Variants in BBX observed in about 807,000 individuals in gnomAD.
The protein encoded by BBX is BBX high mobility group box domain containing.
BBX carries 30 observed loss-of-function variants against 100.2 expected under a neutral mutation model. The observed-to-expected ratio is 0.30, with a 90% CI of 0.22 to 0.41. BBX has a LOEUF of 0.41. Ranked by LOEUF, BBX falls within the 10% of genes least tolerant of loss-of-function variation. The pLI is 1.00. For missense variants in BBX, 1,023 were observed against 1,129.8 expected (o/e 0.91, Z 1.35); for synonymous variants, 376 against 388.1 (o/e 0.97, Z 0.37).
chr3:107,537,016 A>T (rs1453573091), intron 2 of BBX, among the ~76,000 whole-genome samples: 2 of 152,200 alleles, frequency 1.3e-5, no homozygotes, highest in Admixed American at 1.3e-4. Context: ...TTGCCCGTTA[A>T]GTCTGTAGAA....
At chr3:107,761,397 ATCT>A (rs1335818383) in intron 10 of BBX, among the ~76,000 whole-genome samples, 1 of 152,142 alleles carries the variant, frequency 6.6e-6, no homozygotes, top group Non-Finnish European at 1.5e-5. Context: ...ACTTAGAGAG[ATCT>A]TCTTGGCAGC....
intron 2 of BBX, among the ~76,000 whole-genome samples, chr3:107,538,876 C>T (rs2107348292): frequency 6.6e-6 from 1 of 152,108 alleles, no homozygotes; most frequent in East Asian, 1.9e-4. Flanking sequence ...CCTCAAACTC[C>T]TGAGCTCAAG....
At chr3:107,689,600 T>G (rs1043746954) in intron 3 of BBX, among the ~76,000 whole-genome samples, 2 of 152,170 alleles carry the variant, frequency 1.3e-5, no homozygotes, top group Non-Finnish European at 2.9e-5. Flanking sequence ...AAAAGTACAT[T>G]GCGTCACAGA....
At position 107,773,123 on chromosome 3, in the gene BBX, A is replaced by G. The variant is rs776736090; in HGVS notation, c.1402A>G (p.Thr468Ala). Residue 468 changes from threonine (T) to alanine (A), a missense_variant, in exon 11 of 18, where the codon ACA becomes GCA. By Grantham distance (58) the Thr-to-Ala change is moderately conservative (BLOSUM62 0). This residue lies in a region of BBX where 348 missense variants were observed against 353.2 expected (regional missense o/e 0.99). Coordinates refer to ENST00000325805, the MANE Select transcript of BBX (RefSeq NM_001142568.3). The surrounding 1 kb of genome is among the most constrained non-coding windows in gnomAD (Gnocchi z 4.1). ...GGATCGACATGGAAATGATAAATCC[A>G]CACCCAAGAAGACTTGCAAAAAGAG... ...KMDRHGNDKS[T>A]PKKTCKKRQS... 6 of 1,614,072 alleles carry G rather than the reference A, an allele frequency of 3.7e-6. No individual in the cohort carries two copies. The Admixed American group carries it at 5.0e-5, about 13-fold the overall frequency.
chr3:107,621,627 G>A (rs545457624), intron 2 of BBX, among the ~76,000 whole-genome samples: 8 of 152,340 alleles, frequency 5.3e-5, no homozygotes, highest in African/African-American at 1.7e-4. Context: ...CGTTCAGCTT[G>A]AAGACCTGAG....
intron 2 of BBX, among the ~76,000 whole-genome samples, chr3:107,615,832 T>C (rs951345311): frequency 3.9e-5 from 6 of 151,932 alleles, no homozygotes; most frequent in Non-Finnish European, 8.8e-5. Context: ...AAATACAAAT[T>C]TGGCAATCAT....
Position 107,805,909 on chromosome 3 carries a change from T to G in BBX, c.*452T>G, listed in dbSNP as rs979241345. 1.2e-5 allele frequency: 2 copies of G among 160,312 alleles called. No homozygotes were observed. The highest frequency in any genetic ancestry group is 4.8e-5 in the African/African-American group (2 of 41,720). The allele number at this position is 160,312 out of a possible 1,614,324, so 9.9% of individuals were successfully genotyped here. A position where few individuals can be genotyped will look rare whatever the true frequency, so the allele number is the denominator to read the frequency against. ...TTATTATTAGATATTCTTAGTCTTT[T>G]TTGTACATGGAGATTTAAGTTTAAG... is the stretch of plus-strand genomic sequence containing the variant. On this transcript the variant is annotated 3_prime_UTR_variant, in exon 18 of 18. Coordinates refer to ENST00000325805, the MANE Select transcript of BBX (RefSeq NM_001142568.3).
At chr3:107,647,922 T>A (rs2057618915) in intron 3 of BBX, among the ~76,000 whole-genome samples, 1 of 152,160 alleles carries the variant, frequency 6.6e-6, no homozygotes, top group Non-Finnish European at 1.5e-5. Context: ...GAACTATGAC[T>A]CTTAACAAGG....
chr3:107,595,466 C>T lies in BBX; in HGVS notation c.-83-50370C>T, dbSNP rs372379262. 1.7e-4 allele frequency among the ~76,000 whole-genome samples: 26 copies of T among 152,268 alleles called. 1 individual carries two copies. In the South Asian group the frequency reaches 4.8e-3, roughly 28 times the overall value. On this transcript the variant is annotated intron_variant, in intron 2 of 17. Transcript: ENST00000325805. The stretch of plus-strand genomic sequence containing the variant: ...GGTTTCAGACAGGGTGAACCAAGAA[C>T]TTGGAAACTGAAGCTTCGGACTATC...
intron 2 of BBX, among the ~76,000 whole-genome samples, chr3:107,564,784 A>G (rs1161594224): frequency 6.7e-6 from 1 of 149,610 alleles, no homozygotes; most frequent in African/African-American, 2.6e-5. Context: ...GCTATCAGAT[A>G]GAGCAAATTC....
chr3:107,577,601 G>T (rs956584802), intron 2 of BBX, among the ~76,000 whole-genome samples: 1 of 152,148 alleles, frequency 6.6e-6, no homozygotes, highest in African/African-American at 2.4e-5. Context: ...ATAGAATTAT[G>T]AATAGTGAGG....
Position 107,798,555 on chromosome 3 carries a change from C to T in BBX, c.2386C>T (p.Pro796Ser), listed in dbSNP as rs1418545690. 6.8e-6 allele frequency: 11 copies of T among 1,613,994 alleles called. No individual in the cohort carries two copies. Among genetic ancestry groups the T allele is most frequent in the Non-Finnish European group, 9.3e-6 (11 of 1,179,922 alleles). Reference protein sequence around the residue: ...IFSEDRNTMEPVHKVKNIPSI... With the variant: ...IFSEDRNTMESVHKVKNIPSI... ...TTCAGAAGACAGAAACACCATGGAG[C>T]CTGTTCATAAGGTTAAAAATATCCC... The change falls in exon 16 of 18, where the codon CCT becomes TCT. Residue 796 changes from proline (P) to serine (S), a missense_variant. Pro to Ser is a moderately conservative substitution (Grantham distance 74). Around this residue, in one of 9 missense-constraint regions of BBX, gnomAD observed 215 missense variants for 211.3 expected, o/e 1.02. Coordinates refer to ENST00000325805, the MANE Select transcript of BBX (RefSeq NM_001142568.3).
chr3:107,586,387 T>A (rs1020999450), intron 2 of BBX, among the ~76,000 whole-genome samples: 2 of 152,224 alleles, frequency 1.3e-5, no homozygotes, highest in African/African-American at 4.8e-5. Context: ...TTTTTTTAGA[T>A]CTGGATTTCT....
In BBX at chr3:107,806,855, C is replaced by T. The variant is rs1213244057; in HGVS notation, c.*1398C>T. The T allele has an allele frequency of 6.6e-6, 1 of 152,224 alleles. No individual in the cohort carries two copies. The highest frequency in any genetic ancestry group is 6.5e-5 in the Admixed American group (1 of 15,276). 9.4% of individuals were successfully genotyped at this position (152,224 alleles called of 1,614,324 possible). On this transcript the variant is annotated 3_prime_UTR_variant, in exon 18 of 18. Transcript: ENST00000325805. ...AAAGTATTTCCCCACTCTTGCGTCA[C>T]AGCACAAACTACCAAATTTTAATTA...
intron 7 of BBX, among the ~76,000 whole-genome samples, chr3:107,741,275 C>G (rs1247751647): frequency 6.6e-6 from 1 of 151,918 alleles, no homozygotes; most frequent in Non-Finnish European, 1.5e-5. Flanking sequence ...TATCAGGAGG[C>G]CAGTTCACTT....
chr3:107,576,941 A>G (rs552698373), intron 2 of BBX, among the ~76,000 whole-genome samples: 2 of 152,118 alleles, frequency 1.3e-5, no homozygotes, highest in East Asian at 3.9e-4. Context: ...GCTCACTGCA[A>G]CCTCTGCCTC....
Position 107,689,255 on chromosome 3 carries a change from CA to C in BBX, c.-9-21196del, listed in dbSNP as rs2060015024. ...TACTTAAAAATATTTACAATAAACA[CA>C]GGAAGTTGTATGCTACTCTGAGATT... On this transcript the variant is annotated intron_variant, in intron 3 of 17. Transcript: ENST00000325805. 3.3e-5 allele frequency among the ~76,000 whole-genome samples: 5 copies of C among 152,248 alleles called. No homozygotes were observed. In the South Asian group the frequency reaches 1.0e-3, roughly 32 times the overall value.
In BBX at chr3:107,639,467, A is replaced by C. The variant is rs2177408; in HGVS notation, c.-83-6369A>C. Among the ~76,000 whole-genome samples the C allele has an allele frequency of 9.6e-4, 146 of 152,318 alleles. No individual in the cohort carries two copies. The East Asian group carries it at 0.026, about 28-fold the overall frequency. ...TCTCAGTGGCTTGATAGAGCTTATG[A>C]ATCTTCCCAAAGATCCTGGGGCTTC... On this transcript the variant is annotated intron_variant, in intron 2 of 17. Coordinates refer to ENST00000325805, the MANE Select transcript of BBX (RefSeq NM_001142568.3).
intron 2 of BBX, among the ~76,000 whole-genome samples, chr3:107,610,796 T>G (rs1209705241): frequency 6.6e-6 from 1 of 151,908 alleles, no homozygotes; most frequent in Admixed American, 6.6e-5. Context: ...GTGTTTTTTT[T>G]TTTTAAGCAT....
Sources: gnomAD v4.1 joint callset for allele counts (sites outside exome capture counted in the v4.1 genomes callset) on GRCh38, gnomAD v4.1.1 for gene constraint, gnomAD v4.1.1 regional missense constraint, Gnocchi (gnomAD v3.1) non-coding constraint, MANE v1.5 for transcripts, NCBI Gene and HGNC (gene_info 2026-07-23, HGNC 2026-07-21) for gene names.